The following SLCO2B1 variants were observed in gnomAD, a reference collection of about 807,000 sequenced individuals.
The protein encoded by SLCO2B1 is solute carrier organic anion transporter family member 2B1.
A neutral mutation model predicts 67.3 loss-of-function variants in SLCO2B1; 41 were observed. The observed-to-expected ratio is 0.61, with a 90% CI of 0.47 to 0.79. SLCO2B1 has a LOEUF of 0.79. Ranked by LOEUF, SLCO2B1 falls within the 30% of genes least tolerant of loss-of-function variation. The probability of loss-of-function intolerance (pLI) is 0.00; values close to 1 mark genes in which losing one functional copy is unlikely to be tolerated. For missense variants in SLCO2B1, 837 were observed against 920.1 expected (o/e 0.91, Z 1.17); for synonymous variants, 379 against 381.4 (o/e 0.99, Z 0.07).
At chr11:75,176,561 A>G (rs1422165443) in intron 7 of SLCO2B1, among the ~76,000 whole-genome samples, 2 of 152,230 alleles carry the variant, frequency 1.3e-5, no homozygotes, top group Admixed American at 6.5e-5. Flanking sequence ...TGACTCCCCA[A>G]ATCCACATTT....
At chr11:75,185,774 A>C (rs1402417324) in intron 7 of SLCO2B1, among the ~76,000 whole-genome samples, 1 of 152,070 alleles carries the variant, frequency 6.6e-6, no homozygotes, top group East Asian at 1.9e-4. Context: ...GAACGCGTCC[A>C]CCCTAGCTAC....
chr11:75,172,874 A>G (rs1373456553), intron 7 of SLCO2B1, among the ~76,000 whole-genome samples: 2 of 151,848 alleles, frequency 1.3e-5, no homozygotes, highest in African/African-American at 4.8e-5. Context: ...GGTTGCAGTG[A>G]GCCGAGATTG....
rs1342773707 is a variant in SLCO2B1 at position 75,193,163 on chromosome 11, C to G, written c.1076-55C>G. ...ACTGAGCAGGGCAGGAGGGCAGTCT[C>G]TGCTGGACAGCTTGGCTGCCCTGCC... On this transcript the variant is annotated intron_variant, in intron 8 of 13. Coordinates refer to ENST00000289575, the MANE Select transcript of SLCO2B1 (RefSeq NM_007256.5). This position sits in a 1 kb window ranked among gnomAD's most constrained non-coding sequence, Gnocchi z 4.2. The G allele has an allele frequency of 3.6e-6, 5 of 1,378,222 alleles. No homozygotes were observed. In the East Asian group the frequency reaches 1.1e-4, roughly 32 times the overall value. The allele number at this position is 1,378,222 out of a possible 1,614,324, so 85.4% of individuals were successfully genotyped here. A position where few individuals can be genotyped will look rare whatever the true frequency, so the allele number is the denominator to read the frequency against.
rs942932562 is a variant in SLCO2B1, at chr11:75,193,698, GC to G, written c.1433+124del. The stretch of plus-strand genomic sequence containing the variant: ...CCTCAAATCTTGCCTCCCCAGTTCT[GC>G]TTAACAGCCCTTTAGAGATTCGAGT... On this transcript the variant is annotated intron_variant, in intron 9 of 13. Coordinates refer to ENST00000289575, the MANE Select transcript of SLCO2B1 (RefSeq NM_007256.5). This position sits in a 1 kb window ranked among gnomAD's most constrained non-coding sequence, Gnocchi z 4.2. The G allele has an allele frequency of 8.3e-5, 68 of 822,390 alleles. No individual in the cohort carries two copies. The highest frequency in any genetic ancestry group is 1.2e-4 in the Non-Finnish European group (64 of 540,148). 50.9% of individuals were successfully genotyped at this position (822,390 alleles called of 1,614,324 possible). A position where few individuals can be genotyped will look rare whatever the true frequency, so the allele number is the denominator to read the frequency against.
rs181644851 is a variant in SLCO2B1, at chr11:75,162,661, C to T, written c.23C>T (p.Ala8Val). 69 of 1,612,950 alleles carry T rather than the reference C, an allele frequency of 4.3e-5. 1 individual carries two copies. Among genetic ancestry groups the T allele is most frequent in the East Asian group, 3.3e-4 (15 of 44,844 alleles). ...CTGGTTTTCTGTCCCTCAGGGCCAG[C>T]GGGTGAGGTACCCCAGGTACCAGAC... MGPRIGP[A>V]GEVPQVPDKE... The change falls in exon 2 of 14, where the codon GCG (alanine) becomes GTG (valine). Residue 8 changes from alanine to valine, a missense_variant. Physicochemically the swap from Ala to Val is moderately conservative, Grantham distance 64 (BLOSUM62 0). Transcript: ENST00000289575.
chr11:75,198,259 AACTG>A (rs775300424), intron 10 of SLCO2B1, among the ~76,000 whole-genome samples: 2 of 152,328 alleles, frequency 1.3e-5, no homozygotes, highest in African/African-American at 4.8e-5. Context: ...TTAGGCCTCT[AACTG>A]ACTCTGTTAC....
Position 75,159,766 on chromosome 11 carries a change from A to G in SLCO2B1, c.17-2889A>G, listed in dbSNP as rs1368434922. 5 of 833,596 alleles carry G rather than the reference A, an allele frequency of 6.0e-6. No individual in the cohort carries two copies. In the African/African-American group the frequency reaches 7.3e-5, roughly 12 times the overall value. The allele number at this position is 833,596 out of a possible 1,614,324, so 51.6% of individuals were successfully genotyped here. On this transcript the variant is annotated intron_variant, in intron 1 of 13. Transcript: ENST00000289575. ...CCCTGCCCAGAGGCACAGGCTGTGG[A>G]CTTTGCCCTCCACAAACAGCCATAT... is the stretch of plus-strand genomic sequence containing the variant.
chr11:75,194,790 A>C (rs1945077389), intron 9 of SLCO2B1, among the ~76,000 whole-genome samples: 1 of 152,052 alleles, frequency 6.6e-6, no homozygotes. Context: ...AGAAAAAGTC[A>C]GCTCATCTCA....
rs1028757716 is a variant in SLCO2B1, at chr11:75,151,214, CAAG to C, written c.-162_-160del. The stretch of plus-strand genomic sequence containing the variant: ...GACAAGTCTGATGTCCTGTGTGGCC[CAAG>C]AAGAACTGACCCCGTGTCTGGAGCT... On this transcript the variant is annotated 5_prime_UTR_variant, in exon 1 of 14. Coordinates refer to ENST00000289575, the MANE Select transcript of SLCO2B1 (RefSeq NM_007256.5). 8.0e-5 allele frequency: 50 copies of C among 621,344 alleles called. No individual in the cohort carries two copies. Among genetic ancestry groups the C allele is most frequent in the African/African-American group, 5.1e-4 (28 of 54,562 alleles). 38.5% of individuals were successfully genotyped at this position (621,344 alleles called of 1,614,324 possible).
intron 6 of SLCO2B1, among the ~76,000 whole-genome samples, chr11:75,171,316 G>A (rs1196876560): frequency 6.6e-6 from 1 of 152,128 alleles, no homozygotes; most frequent in Admixed American, 6.5e-5. Flanking sequence ...TCATGCAGTG[G>A]CACAATCCTA....
intron 11 of SLCO2B1, chr11:75,201,024 T>A (rs1368815893): frequency 2.5e-4 from 1 of 3,998 alleles, no homozygotes; most frequent in African/African-American, 3.2e-4. Flanking sequence ...TAGTTTTTCC[T>A]TTTTTTTTTT....
Position 75,165,772 on chromosome 11 carries a change from C to T in SLCO2B1, c.286-15C>T, listed in dbSNP as rs1312355258. ...GAACTGTTCCACCTTAATGGGTCAC[C>T]TCGTCCTTTTGCAGGTGGGGAACAC... On this transcript the variant is annotated splice_polypyrimidine_tract_variant and intron_variant, in intron 3 of 13. Transcript: ENST00000289575. 2 of 1,613,658 alleles carry T rather than the reference C, an allele frequency of 1.2e-6. No homozygotes were observed. Among genetic ancestry groups the T allele is most frequent in the South Asian group, 2.2e-5 (2 of 91,040 alleles).
chr11:75,183,872 T>C (rs1467563444), intron 7 of SLCO2B1, among the ~76,000 whole-genome samples: 7 of 152,268 alleles, frequency 4.6e-5, no homozygotes, highest in Non-Finnish European at 7.4e-5. Flanking sequence ...CCTGCCACTC[T>C]CTAGTTATGT....
At chr11:75,169,974 T>A (rs879334709) in intron 6 of SLCO2B1, 1 of 556,318 alleles carries the variant, frequency 1.8e-6, no homozygotes, top group Admixed American at 3.3e-5. Flanking sequence ...TCCAGCGAGA[T>A]GGTGGAGATA....
At chr11:75,173,068 A>C (rs949747041) in intron 7 of SLCO2B1, among the ~76,000 whole-genome samples, 5 of 152,190 alleles carry the variant, frequency 3.3e-5, no homozygotes, top group African/African-American at 9.7e-5. Context: ...CAGTGTTGGA[A>C]AGTGACTTAC....
At chr11:75,164,500 C>T (rs538725914) in intron 3 of SLCO2B1, among the ~76,000 whole-genome samples, 2 of 152,164 alleles carry the variant, frequency 1.3e-5, no homozygotes, top group East Asian at 1.9e-4. Flanking sequence ...TTGGGATGGT[C>T]GCGGGAGGGA....
chr11:75,164,660 C>T lies in SLCO2B1; in HGVS notation c.285+560C>T, dbSNP rs562678210. Among the ~76,000 whole-genome samples, 13 of 152,174 alleles carry T rather than the reference C, an allele frequency of 8.5e-5. No individual in the cohort carries two copies. In the East Asian group the frequency reaches 1.2e-3, roughly 14 times the overall value. ...TGCCCCAGTCCTTCAGTCCTTCCCC[C>T]GCCAGATGTTTTTACCCTGAAGGAA... On this transcript the variant is annotated intron_variant, in intron 3 of 13. Transcript: ENST00000289575.
At chr11:75,195,738 C>A (rs192599672) in intron 9 of SLCO2B1, among the ~76,000 whole-genome samples, 1 of 152,228 alleles carries the variant, frequency 6.6e-6, no homozygotes, top group Admixed American at 6.5e-5. Context: ...CCTGTGTGAC[C>A]CTGAAAGGCG....
chr11:75,183,895 G>T (rs1370577022), intron 7 of SLCO2B1, among the ~76,000 whole-genome samples: 1 of 152,216 alleles, frequency 6.6e-6, no homozygotes, highest in Non-Finnish European at 1.5e-5. Context: ...TGCTGAACAA[G>T]TTGCCTACCT....
Sources: gnomAD v4.1 joint callset for allele counts (sites outside exome capture counted in the v4.1 genomes callset) on GRCh38, gnomAD v4.1.1 for gene constraint, Gnocchi (gnomAD v3.1) non-coding constraint, MANE v1.5 for transcripts, NCBI Gene and HGNC (gene_info 2026-07-23, HGNC 2026-07-21) for gene names.